Variants in OPCML observed in about 807,000 individuals in gnomAD.
The protein encoded by OPCML is opioid-binding protein/cell adhesion molecule.
OPCML carries 13 observed loss-of-function variants against 37.8 expected under a neutral mutation model. The ratio of observed to expected loss-of-function variants is 0.34; its 90% CI spans 0.22 to 0.55. The LOEUF (loss-of-function observed/expected upper bound fraction) is 0.55. OPCML is among the 20% of genes least tolerant of loss of function. OPCML has a pLI of 0.91. For missense variants in OPCML, 341 were observed against 435.6 expected (o/e 0.78, Z 1.93); for synonymous variants, 176 against 168.8 (o/e 1.04, Z -0.33).
chr11:132,804,657 C>A (rs1344374111), intron 2 of OPCML, among the ~76,000 whole-genome samples: 1 of 152,112 alleles, frequency 6.6e-6, no homozygotes, highest in East Asian at 1.9e-4. Flanking sequence ...AGAAATAGAG[C>A]ACGACTTATG....
chr11:132,535,443 G>A (rs956282093), intron 3 of OPCML, among the ~76,000 whole-genome samples: 1 of 152,146 alleles, frequency 6.6e-6, no homozygotes, highest in African/African-American at 2.4e-5. Context: ...AGAAAAGTGG[G>A]CCTGGGACCA....
chr11:133,344,203 G>T (rs772970353), intron 1 of OPCML, among the ~76,000 whole-genome samples: 1 of 152,160 alleles, frequency 6.6e-6, no homozygotes, highest in Non-Finnish European at 1.5e-5. Flanking sequence ...ACTCCTGCTA[G>T]AATAAGGGAC....
rs1947136179 is a variant in OPCML, at chr11:133,007,572, T to C, written c.62-64562A>G. ...TCAAAGGTGTTTGAGCCTTCAGAGG[T>C]AAAACTTAAAACTCTAGAATTGCTT... On this transcript the variant is annotated intron_variant, in intron 1 of 7. Coordinates refer to ENST00000524381, the MANE Select transcript of OPCML (RefSeq NM_001012393.5). 5 of 985,340 alleles carry C rather than the reference T, an allele frequency of 5.1e-6. No homozygotes were observed. The South Asian group carries it at 2.3e-4, about 46-fold the overall frequency. The allele number at this position is 985,340 out of a possible 1,614,324, so 61.0% of individuals were successfully genotyped here. A position where few individuals can be genotyped will look rare whatever the true frequency, so the allele number is the denominator to read the frequency against.
intron 1 of OPCML, chr11:133,422,492 G>T: frequency 4.1e-6 from 4 of 982,962 alleles, no homozygotes; most frequent in Non-Finnish European, 4.8e-6. Flanking sequence ...TTAGCGTCTT[G>T]CTAGGAACCA....
At chr11:133,295,772 G>A (rs1942614346) in intron 1 of OPCML, among the ~76,000 whole-genome samples, 3 of 152,144 alleles carry the variant, frequency 2.0e-5, no homozygotes, top group Admixed American at 1.3e-4. Flanking sequence ...AATAGTTCTT[G>A]TCTAAAGACA....
chr11:132,456,009 T>C (rs1042278273), intron 4 of OPCML, among the ~76,000 whole-genome samples: 2 of 152,108 alleles, frequency 1.3e-5, no homozygotes, highest in Non-Finnish European at 2.9e-5. Context: ...AGCTGCTATT[T>C]TGGGGTTGGG....
chr11:132,723,274 T>C (rs188889579), intron 2 of OPCML, among the ~76,000 whole-genome samples: 10 of 152,378 alleles, frequency 6.6e-5, no homozygotes, highest in Admixed American at 6.5e-4. Context: ...ATAGTATTTT[T>C]AAGCATTCAT....
At chr11:132,602,269 A>C (rs932907029) in intron 3 of OPCML, among the ~76,000 whole-genome samples, 1 of 152,192 alleles carries the variant, frequency 6.6e-6, no homozygotes, top group Admixed American at 6.5e-5. Context: ...TCCAGCAAAA[A>C]GGCAATTACC....
chr11:133,061,269 G>T (rs1332460973), intron 1 of OPCML, among the ~76,000 whole-genome samples: 5 of 152,238 alleles, frequency 3.3e-5, no homozygotes, highest in Non-Finnish European at 7.3e-5. Flanking sequence ...TCTCCAAAAA[G>T]CTGGGGAACT....
At chr11:132,730,394 G>A (rs1945037313) in intron 2 of OPCML, among the ~76,000 whole-genome samples, 1 of 152,028 alleles carries the variant, frequency 6.6e-6, no homozygotes, top group African/African-American at 2.4e-5. Flanking sequence ...TAATAAAAAG[G>A]CATAATTGGC....
In OPCML at chr11:132,438,557, T is replaced by A. The variant is rs202073181; in HGVS notation, c.506-1198A>T. On this transcript the variant is annotated intron_variant, in intron 4 of 7. Transcript: ENST00000524381. ...GGAGGTGGGATGGTGTGCAAGTGTA[T>A]AGGGTGGGCAGCAGGAAGGTGGAAG... Among the ~76,000 whole-genome samples the A allele has an allele frequency of 4.7e-5, 7 of 149,790 alleles. No homozygotes were observed. In the East Asian group the frequency reaches 1.2e-3, roughly 25 times the overall value.
At chr11:133,397,877 G>A (rs1173946388) in intron 1 of OPCML, among the ~76,000 whole-genome samples, 3 of 152,198 alleles carry the variant, frequency 2.0e-5, no homozygotes, top group Admixed American at 1.3e-4. Context: ...CTTTGAAAAG[G>A]TAGAGGCATT....
intron 1 of OPCML, among the ~76,000 whole-genome samples, chr11:133,033,127 T>G (rs2136927997): frequency 6.6e-6 from 1 of 152,330 alleles, no homozygotes; most frequent in East Asian, 1.9e-4. Context: ...AAAAGGCTCT[T>G]TCATCTTTTA....
At chr11:133,015,100 G>T (rs948246546) in intron 1 of OPCML, among the ~76,000 whole-genome samples, 2 of 152,028 alleles carry the variant, frequency 1.3e-5, no homozygotes, top group African/African-American at 2.4e-5. Flanking sequence ...TTAAAGAAAA[G>T]AAACCTAAAC....
At chr11:133,009,074 T>A in intron 1 of OPCML, 1 of 985,406 alleles carries the variant, frequency 1.0e-6, no homozygotes, top group Non-Finnish European at 1.2e-6. Context: ...TAAGTCTACA[T>A]GTATGGGCAG....
Position 132,657,277 on chromosome 11 carries a change from G to A in OPCML, c.189C>T (p.Asn63=), listed in dbSNP as rs2135773072. The A allele has an allele frequency of 1.2e-6, 2 of 1,614,250 alleles. No homozygotes were observed. The highest frequency in any genetic ancestry group is 2.2e-5 in the East Asian group (1 of 44,880). The stretch of plus-strand genomic sequence containing the variant: ...TCCCAGCGTAGAGGATGGTGCTGCG[G>A]TTTAGCCAGGCCACCCGGGTTACCC... ...DDRVTRVAWL[N]RSTILYAGND... is the part of the protein sequence containing the mutation. The change falls in exon 3 of 8, where the codon AAC becomes AAT. Residue 63 remains asparagine (N), a synonymous_variant. Coordinates refer to ENST00000524381, the MANE Select transcript of OPCML (RefSeq NM_001012393.5).
At chr11:133,374,856 C>T (rs908104149) in intron 1 of OPCML, among the ~76,000 whole-genome samples, 1 of 152,208 alleles carries the variant, frequency 6.6e-6, no homozygotes, top group African/African-American at 2.4e-5. Context: ...CACTTCCATG[C>T]AGCCAAGGTA....
rs1942495113 is a variant in OPCML at position 132,671,960 on chromosome 11, T to TG, written c.147-14642_147-14641insC. Among the ~76,000 whole-genome samples, 3 of 152,342 alleles carry TG rather than the reference T, an allele frequency of 2.0e-5. No individual in the cohort carries two copies. The East Asian group carries it at 5.8e-4, about 29-fold the overall frequency. On this transcript the variant is annotated intron_variant, in intron 2 of 7. Coordinates refer to ENST00000524381, the MANE Select transcript of OPCML (RefSeq NM_001012393.5). ...CTTAATTGTGTTCTGCTCAAGTGAC[T>TG]ATTGAAATTATTATGCACTTCCTCA...
chr11:133,433,973 G>A (rs1397503366), intron 1 of OPCML, among the ~76,000 whole-genome samples: 2 of 152,156 alleles, frequency 1.3e-5, no homozygotes, highest in African/African-American at 4.8e-5. Context: ...TTGTTGCTTT[G>A]TGCTTCTTGA....
Sources: allele counts gnomAD v4.1 joint callset (sites outside exome capture counted in the v4.1 genomes callset), GRCh38; gene constraint gnomAD v4.1.1; transcripts MANE v1.5; gene names NCBI Gene and HGNC (gene_info 2026-07-23, HGNC 2026-07-21).